Variants in PDZD2 observed in about 807,000 individuals in gnomAD.
PDZD2 encodes the protein PDZ domain containing 2.
Under a neutral mutation model 220.7 loss-of-function variants are expected in PDZD2, and 90 were observed. The observed-to-expected ratio is 0.41, with a 90% CI of 0.34 to 0.49. The LOEUF is 0.49. Ranked by LOEUF, PDZD2 falls within the 20% of genes least tolerant of loss-of-function variation. The probability of loss-of-function intolerance (pLI) is 0.28; values close to 1 mark genes in which losing one functional copy is unlikely to be tolerated. For synonymous variants in PDZD2, 1,375 were observed against 1,450.5 expected, an observed-to-expected ratio of 0.95 and a Z score of 1.18; for missense variants, 3,174 against 3,608.5, an observed-to-expected ratio of 0.88 and a Z score of 3.08.
rs192936077 is a variant in PDZD2 at position 31,664,607 on chromosome 5, G to A, written c.-361+25170G>A. On this transcript the variant is annotated intron_variant, in intron 1 of 24. Coordinates refer to ENST00000438447, the MANE Select transcript of PDZD2 (RefSeq NM_178140.4). ...CCGGCTGTCTTGTGATTCATACGAC[G>A]GCAGAGACCATCCTAGGAACAACCG... Among the ~76,000 whole-genome samples, 219 of 152,178 alleles carry A rather than the reference G, an allele frequency of 1.4e-3. 1 individual carries two copies. Among genetic ancestry groups the A allele is most frequent in the Admixed American group, 0.012 (186 of 15,286 alleles).
intron 1 of PDZD2, among the ~76,000 whole-genome samples, chr5:31,685,791 G>A (rs1291792229): frequency 6.6e-6 from 1 of 152,154 alleles, no homozygotes; most frequent in Admixed American, 6.5e-5. Flanking sequence ...CCCACAGTGG[G>A]ATTACAGGTG....
chr5:31,984,875 G>T (rs1750594045), intron 3 of PDZD2, among the ~76,000 whole-genome samples: 1 of 152,134 alleles, frequency 6.6e-6, no homozygotes, highest in Non-Finnish European at 1.5e-5. Flanking sequence ...CTGAGAAATG[G>T]TGCCCTGGGG....
chr5:31,750,417 C>T (rs1213675514), intron 1 of PDZD2, among the ~76,000 whole-genome samples: 2 of 152,098 alleles, frequency 1.3e-5, no homozygotes, highest in Non-Finnish European at 2.9e-5. Context: ...TGTCATGTAC[C>T]GAACGCTCAC....
intron 2 of PDZD2, among the ~76,000 whole-genome samples, chr5:31,975,875 C>T (rs75491240): frequency 0.22 from 31,585 of 141,512 alleles, 3,620 homozygotes; most frequent in Middle Eastern, 0.35. Flanking sequence ...AGAGTCATGG[C>T]TCACTGCAGC....
At chr5:31,880,486 C>G (rs1739766110) in intron 2 of PDZD2, among the ~76,000 whole-genome samples, 1 of 152,146 alleles carries the variant, frequency 6.6e-6, no homozygotes, top group South Asian at 2.1e-4. Context: ...ATTCTATGAA[C>G]AGAATGTTTT....
chr5:31,928,680 T>A (rs947194478), intron 2 of PDZD2, among the ~76,000 whole-genome samples: 1 of 152,140 alleles, frequency 6.6e-6, no homozygotes, highest in Non-Finnish European at 1.5e-5. Context: ...TTCACCATGT[T>A]GGCCAAGCTG....
intron 2 of PDZD2, among the ~76,000 whole-genome samples, chr5:31,920,326 G>A (rs375462581): frequency 7.3e-5 from 11 of 151,560 alleles, no homozygotes; most frequent in South Asian, 2.1e-4. Context: ...TTTTCTGAGC[G>A]AAAGATAGAG....
At chr5:31,689,415 A>C (rs1212361494) in intron 1 of PDZD2, among the ~76,000 whole-genome samples, 2 of 134,812 alleles carry the variant, frequency 1.5e-5, no homozygotes, top group East Asian at 4.6e-4. Flanking sequence ...GGCTGGTCTC[A>C]AACTCCTGAC....
chr5:32,080,572 T>G (rs2112435036), intron 19 of PDZD2, among the ~76,000 whole-genome samples: 1 of 152,282 alleles, frequency 6.6e-6, no homozygotes, highest in South Asian at 2.1e-4. Flanking sequence ...AGGGTTGGTT[T>G]TTTTCACTAA....
chr5:31,702,606 G>A (rs1034806561), intron 1 of PDZD2, among the ~76,000 whole-genome samples: 2 of 152,158 alleles, frequency 1.3e-5, no homozygotes, highest in African/African-American at 4.8e-5. Context: ...TCTTTTCTTT[G>A]CAAAATGGTT....
chr5:32,093,544 T>TAC (rs1743376146), intron 21 of PDZD2, among the ~76,000 whole-genome samples: 1 of 152,170 alleles, frequency 6.6e-6, no homozygotes, highest in Non-Finnish European at 1.5e-5. Context: ...TCCCAAAAAC[T>TAC]TAACTACTAA....
intron 1 of PDZD2, among the ~76,000 whole-genome samples, chr5:31,640,213 A>G (rs1023115112): frequency 2.6e-5 from 4 of 152,150 alleles, no homozygotes; most frequent in African/African-American, 7.2e-5. Context: ...GACCCCTGGC[A>G]GGAGTTTGCC....
At chr5:31,663,288 A>G (rs1486492041) in intron 1 of PDZD2, among the ~76,000 whole-genome samples, 2 of 152,190 alleles carry the variant, frequency 1.3e-5, no homozygotes, top group Non-Finnish European at 2.9e-5. Flanking sequence ...CTAATCTTGT[A>G]TGTTATAAAT....
rs1295948732 is a variant in PDZD2 at position 32,110,578 on chromosome 5, G to GGTCA, written c.*2448_*2451dup. On this transcript the variant is annotated 3_prime_UTR_variant, in exon 25 of 25. Coordinates refer to ENST00000438447, the MANE Select transcript of PDZD2 (RefSeq NM_178140.4). ...TGTCATTGTTTCTTTTTTTTTAACTGGTCAGTCATTCACAATAAGCTATGA... is the reference window on the plus strand; with the variant it reads ...TGTCATTGTTTCTTTTTTTTTAACTGGTCAGTCAGTCATTCACAATAAGCTATGA... 1 of 152,144 alleles carries GGTCA rather than the reference G, an allele frequency of 6.6e-6. No individual in the cohort carries two copies. The highest frequency in any genetic ancestry group is 1.5e-5 in the Non-Finnish European group (1 of 67,976). The allele number at this position is 152,144 out of a possible 1,614,324, so 9.4% of individuals were successfully genotyped here. A position where few individuals can be genotyped will look rare whatever the true frequency, so the allele number is the denominator to read the frequency against.
intron 5 of PDZD2, among the ~76,000 whole-genome samples, chr5:32,006,111 C>T (rs568789141): frequency 9.4e-5 from 14 of 149,014 alleles, no homozygotes; most frequent in African/African-American, 3.5e-4. Flanking sequence ...CGCGCCACTG[C>T]ACTCCAGCCT....
intron 2 of PDZD2, among the ~76,000 whole-genome samples, chr5:31,969,850 C>G (rs144355833): frequency 4.6e-5 from 7 of 151,760 alleles, no homozygotes; most frequent in Non-Finnish European, 1.0e-4. Flanking sequence ...TTTGTGGTGC[C>G]GCCACTGTGC....
intron 17 of PDZD2, among the ~76,000 whole-genome samples, chr5:32,072,902 A>G (rs965753913): frequency 1.3e-5 from 2 of 152,098 alleles, no homozygotes; most frequent in African/African-American, 4.8e-5. Context: ...ATGCCCTTAC[A>G]TTTTAGGGAA....
chr5:31,809,665 G>A (rs560200312), intron 2 of PDZD2, among the ~76,000 whole-genome samples: 1 of 152,314 alleles, frequency 6.6e-6, no homozygotes, highest in East Asian at 1.9e-4. Flanking sequence ...AATGGCCAGT[G>A]GGGTGAGTTC....
At chr5:31,862,601 C>G (rs1737824281) in intron 2 of PDZD2, among the ~76,000 whole-genome samples, 1 of 151,284 alleles carries the variant, frequency 6.6e-6, no homozygotes, top group African/African-American at 2.4e-5. Flanking sequence ...CACTCTGATC[C>G]CCAGGCTGGA....
Sources: allele counts gnomAD v4.1 joint callset (sites outside exome capture counted in the v4.1 genomes callset), GRCh38; gene constraint gnomAD v4.1.1; transcripts MANE v1.5; gene names NCBI Gene and HGNC (gene_info 2026-07-23, HGNC 2026-07-21).